SIMC1: variants seen among roughly 807,000 people sequenced by gnomAD.
The protein encoded by SIMC1 is SUMO interacting motifs containing 1, also known as SUMO-interacting motif-containing protein 1.
A neutral mutation model predicts 82.3 loss-of-function variants in SIMC1; 55 were observed. The observed-to-expected ratio is 0.67, with a 90% confidence interval of 0.54 to 0.84. The LOEUF is 0.84. Among genes scored for constraint, SIMC1 ranks in the 40% least tolerant of loss-of-function variants. The probability of loss-of-function intolerance (pLI) is 0.00; values close to 1 mark genes in which losing one functional copy is unlikely to be tolerated. For missense variants in SIMC1, 915 were observed against 1,107.2 expected, an observed-to-expected ratio of 0.83 and a Z score of 2.46; for synonymous variants, 353 against 426.3, an observed-to-expected ratio of 0.83 and a Z score of 2.12.
intron 9 of SIMC1, among the ~76,000 whole-genome samples, chr5:176,340,176 C>G (rs1766069784): frequency 6.6e-6 from 1 of 152,182 alleles, no homozygotes; most frequent in Admixed American, 6.5e-5. Context: ...GGTATCACCC[C>G]CTGTTATAGA....
At position 176,315,685 on chromosome 5, in the gene SIMC1, A is replaced by G. The variant is rs531625000; in HGVS notation, c.1889+1840A>G. 2.6e-5 allele frequency among the ~76,000 whole-genome samples: 4 copies of G among 152,254 alleles called. No individual in the cohort carries two copies. In the East Asian group the frequency reaches 7.7e-4, roughly 29 times the overall value. ...CAACATGGGGCAATGACTACGATAA[A>G]TCCTCTAATAACAAGGAGGACGTTT... On this transcript the variant is annotated intron_variant, in intron 5 of 9. Transcript: ENST00000429602.
chr5:176,338,353 C>T (rs4428433), intron 9 of SIMC1, among the ~76,000 whole-genome samples: 21,001 of 151,934 alleles, frequency 0.14, 1,488 homozygotes, highest in Middle Eastern at 0.21. Flanking sequence ...AATGGGGAGA[C>T]GAGAGTTTTC....
At chr5:176,291,769 C>A (rs574279413) in intron 2 of SIMC1, among the ~76,000 whole-genome samples, 3 of 152,184 alleles carry the variant, frequency 2.0e-5, no homozygotes, top group African/African-American at 7.2e-5. Flanking sequence ...TGAGCCACCG[C>A]GCCCAGCAGG....
At position 176,255,475 on chromosome 5, in the gene SIMC1, A is replaced by C. The variant is rs2913300; in HGVS notation, c.129+16838A>C. Among the ~76,000 whole-genome samples the C allele has an allele frequency of 1.4e-4, 21 of 151,704 alleles. No homozygotes were observed. In the East Asian group the frequency reaches 1.6e-3, roughly 11 times the overall value. ...GCGCACATTCGTAACCCCAGCTACT[A>C]TGGAGGCTGAGAAAGGAGAATCGCT... On this transcript the variant is annotated intron_variant, in intron 1 of 9. Coordinates refer to ENST00000429602, the MANE Select transcript of SIMC1 (RefSeq NM_001308195.2).
At chr5:176,294,965 A>C (rs143877714) in intron 2 of SIMC1, 65 bp from the exon 3 acceptor site, 1,401 of 77,658 alleles carry the variant, frequency 0.018, 3 homozygotes, top group Non-Finnish European at 0.027. Context: ...ACTCCGTCTC[A>C]AAAAAAAAAA....
At chr5:176,275,408 T>C (rs1762642283) in intron 1 of SIMC1, among the ~76,000 whole-genome samples, 2 of 151,914 alleles carry the variant, frequency 1.3e-5, no homozygotes, top group Non-Finnish European at 2.9e-5. Flanking sequence ...TACAATCATG[T>C]CATCTGCAAA....
At chr5:176,242,697 G>A (rs1581209803) in intron 1 of SIMC1, among the ~76,000 whole-genome samples, 1 of 151,988 alleles carries the variant, frequency 6.6e-6, no homozygotes, top group African/African-American at 2.4e-5. Context: ...TCTTACCAGT[G>A]GTATATGGCC....
At chr5:176,284,491 A>G (rs1485407168) in intron 1 of SIMC1, among the ~76,000 whole-genome samples, 1 of 152,250 alleles carries the variant, frequency 6.6e-6, no homozygotes, top group Non-Finnish European at 1.5e-5. Context: ...ACAAAGACAC[A>G]ACATACCAGA....
intron 9 of SIMC1, among the ~76,000 whole-genome samples, chr5:176,337,821 A>G (rs1765972071): frequency 6.6e-6 from 1 of 152,192 alleles, no homozygotes; most frequent in Admixed American, 6.5e-5. Context: ...AAGTCTATGA[A>G]AGTGGCTCTT....
intron 1 of SIMC1, among the ~76,000 whole-genome samples, chr5:176,256,004 T>TA (rs1228335282): frequency 6.6e-6 from 1 of 152,120 alleles, no homozygotes; most frequent in African/African-American, 2.4e-5. Context: ...TGAAACAAGA[T>TA]ACAGCAAAAG....
chr5:176,341,201 G>A (rs1023580393), intron 9 of SIMC1, among the ~76,000 whole-genome samples: 5 of 152,188 alleles, frequency 3.3e-5, no homozygotes, highest in Non-Finnish European at 5.9e-5. Flanking sequence ...CAAATGGGGA[G>A]ACAAGAGTTT....
chr5:176,304,907 G>A (rs1764228719), intron 4 of SIMC1, among the ~76,000 whole-genome samples: 1 of 142,728 alleles, frequency 7.0e-6, no homozygotes, highest in Non-Finnish European at 1.5e-5. Context: ...GAGCGTCTCT[G>A]CCCGGCCGCC....
rs141575708 is a variant in SIMC1 at position 176,292,215 on chromosome 5, T to C, written c.1431+1260T>C. Among the ~76,000 whole-genome samples the C allele has an allele frequency of 2.9e-3, 436 of 152,294 alleles. 1 individual carries two copies. Among genetic ancestry groups the C allele is most frequent in the Middle Eastern group, 0.01 (3 of 294 alleles). On this transcript the variant is annotated intron_variant, in intron 2 of 9. Transcript: ENST00000429602. The stretch of plus-strand genomic sequence containing the variant: ...GGGGAGGAAATTCAATATTAAGACA[T>C]GAGTGGGAATGCTCCTTTCCATTGG...
chr5:176,343,587 T>G (rs60669028), intron 9 of SIMC1, among the ~76,000 whole-genome samples: 31,530 of 152,132 alleles, frequency 0.21, 3,363 homozygotes, highest in Middle Eastern at 0.29. Flanking sequence ...TTCATTAGCT[T>G]CTAAGATTTT....
At chr5:176,319,821 G>A (rs911675761) in intron 5 of SIMC1, among the ~76,000 whole-genome samples, 2 of 152,120 alleles carry the variant, frequency 1.3e-5, no homozygotes, top group Admixed American at 6.6e-5. Context: ...TTGGGAGGAA[G>A]GAGAGGGTAT....
intron 5 of SIMC1, among the ~76,000 whole-genome samples, chr5:176,318,203 C>G (rs933615411): frequency 6.6e-6 from 1 of 152,144 alleles, no homozygotes; most frequent in Non-Finnish European, 1.5e-5. Context: ...GTCAGAGGTA[C>G]TTTCAATTTT....
intron 1 of SIMC1, among the ~76,000 whole-genome samples, chr5:176,263,656 T>C (rs2560156): frequency 2.0e-4 from 30 of 152,328 alleles, no homozygotes; most frequent in African/African-American, 3.8e-4. Context: ...ACCTCCAACA[T>C]TGGGGATCAA....
At chr5:176,322,789 T>C in intron 6 of SIMC1, 1 of 170,450 alleles carries the variant, frequency 5.9e-6, no homozygotes, top group Non-Finnish European at 1.3e-5. Context: ...GTGTGTAGTG[T>C]GAGTTTTGTT....
At chr5:176,279,993 C>G (rs1487847813) in intron 1 of SIMC1, among the ~76,000 whole-genome samples, 1 of 151,972 alleles carries the variant, frequency 6.6e-6, no homozygotes, top group African/African-American at 2.4e-5. Flanking sequence ...ATTAGGTCCG[C>G]TTGGTGCAGA....
Sources: gnomAD v4.1 joint callset for allele counts (sites outside exome capture counted in the v4.1 genomes callset) on GRCh38, gnomAD v4.1.1 for gene constraint, MANE v1.5 for transcripts, NCBI Gene and HGNC (gene_info 2026-07-23, HGNC 2026-07-21) for gene names.